The following DAGLB variants were observed in gnomAD, a reference collection of about 807,000 sequenced individuals.
DAGLB encodes diacylglycerol lipase beta.
DAGLB carries 66 observed loss-of-function variants against 72.1 expected under a neutral mutation model. That is an observed-to-expected ratio of 0.92 (90% CI 0.75 to 1.12). DAGLB has a LOEUF of 1.12. DAGLB is among the 50% of genes most tolerant of loss of function. DAGLB has a pLI of 0.00. For missense variants in DAGLB, 1,065 were observed against 884.9 expected (o/e 1.20, Z -2.58); for synonymous variants, 414 against 359.5 (o/e 1.15, Z -1.71).
intron 3 of DAGLB, among the ~76,000 whole-genome samples, chr7:6,435,762 A>T (rs1784635671): frequency 6.6e-6 from 1 of 152,176 alleles, no homozygotes. Context: ...CGCCGGATTG[A>T]GGAGCACACG....
intron 13 of DAGLB, 66 bp downstream of exon 13, chr7:6,412,745 C>G (rs1029138101): frequency 2.0e-6 from 3 of 1,532,558 alleles, no homozygotes; most frequent in African/African-American, 1.4e-5. Context: ...TTCCTCCCGG[C>G]TCTCCACAGG....
At chr7:6,412,241 T>TA (rs1395875458) in intron 13 of DAGLB, among the ~76,000 whole-genome samples, 2 of 152,150 alleles carry the variant, frequency 1.3e-5, no homozygotes, top group Non-Finnish European at 2.9e-5. Flanking sequence ...ACCACCATGT[T>TA]AAAAAACCCT....
rs140707721 is a variant in DAGLB, at chr7:6,409,896, C to T, written c.1960G>A (p.Asp654Asn). The change falls in exon 15 of 15, where the codon GAC (aspartate) becomes AAC (asparagine). Residue 654 changes from aspartate (D) to asparagine (N), a missense_variant. By Grantham distance (23) the Asp-to-Asn change is conservative. Transcript: ENST00000297056. The stretch of plus-strand genomic sequence containing the variant: ...GGACAGGAGACGCAGGCCGCTCTGT[C>T]GGAGACCACGCTGTCCAAGGCCCGC... The part of the protein sequence containing the change: ...LMRALDSVVS[D>N]RAACVSCPAQ... 2.5e-5 allele frequency: 41 copies of T among 1,613,990 alleles called. No individual in the cohort carries two copies. Among genetic ancestry groups the T allele is most frequent in the East Asian group, 2.2e-4 (10 of 44,884 alleles).
chr7:6,437,218 C>A (rs558899775), intron 2 of DAGLB, among the ~76,000 whole-genome samples: 6 of 150,824 alleles, frequency 4.0e-5, no homozygotes, highest in South Asian at 4.2e-4. Flanking sequence ...AGACAACAGG[C>A]ACAAAACAGA....
At chr7:6,422,108 C>A (rs115294117) in intron 8 of DAGLB, 2 of 440,448 alleles carry the variant, frequency 4.5e-6, no homozygotes, top group Non-Finnish European at 8.8e-6. Flanking sequence ...TGGCACAGAA[C>A]CTGTGCCAGG....
chr7:6,424,608 C>T, intron 8 of DAGLB, 144 bp downstream of exon 8: 2 of 740,452 alleles, frequency 2.7e-6, no homozygotes, highest in South Asian at 3.1e-5. Context: ...TATTTCCCAA[C>T]CCCAGGCTCA....
At chr7:6,414,223 G>T (rs1330398214) in intron 11 of DAGLB, among the ~76,000 whole-genome samples, 3 of 151,802 alleles carry the variant, frequency 2.0e-5, no homozygotes, top group Admixed American at 1.3e-4. Flanking sequence ...TGTTAGCCAG[G>T]ATGGTCTTGA....
intron 11 of DAGLB, among the ~76,000 whole-genome samples, chr7:6,415,547 T>C (rs1029451844): frequency 3.3e-5 from 5 of 150,530 alleles, no homozygotes; most frequent in Admixed American, 2.6e-4. Context: ...AAAAAAAATA[T>C]AAACTTTTCA....
chr7:6,424,431 G>C (rs1319798874), intron 8 of DAGLB, among the ~76,000 whole-genome samples: 3 of 152,124 alleles, frequency 2.0e-5, no homozygotes, highest in Non-Finnish European at 4.4e-5. Context: ...TTCCCCGGGA[G>C]GGCTCCCGGG....
At chr7:6,428,315 CAAAAAA>C (rs749361631) in intron 6 of DAGLB, among the ~76,000 whole-genome samples, 1 of 77,008 alleles carries the variant, frequency 1.3e-5, no homozygotes, top group Admixed American at 1.5e-4. Flanking sequence ...GACTCTGTCT[CAAAAAA>C]AAAAAAAAAA....
At chr7:6,440,243 G>C (rs111428987) in intron 2 of DAGLB, among the ~76,000 whole-genome samples, 12,015 of 151,698 alleles carry the variant, frequency 0.079, 1,101 homozygotes, top group East Asian at 0.5. Context: ...AATTAGCCAG[G>C]TGTGGTGGTG....
Position 6,417,138 on chromosome 7 carries a change from G to C in DAGLB, c.1219-217C>G. ...GTGCCAGGTGTGGTGGCGCACGCTT[G>C]TAATCCCAGCACTTAGGGAGGCCAA... On this transcript the variant is annotated intron_variant, in intron 9 of 14. Transcript: ENST00000297056. 5.5e-6 allele frequency: 3 copies of C among 546,076 alleles called. No homozygotes were observed. The South Asian group carries it at 6.1e-5, about 11-fold the overall frequency. 33.8% of individuals were successfully genotyped at this position (546,076 alleles called of 1,614,324 possible).
At chr7:6,438,136 A>G (rs1017351645) in intron 2 of DAGLB, among the ~76,000 whole-genome samples, 1 of 148,750 alleles carries the variant, frequency 6.7e-6, no homozygotes. Context: ...TTTCACTCAT[A>G]GGTGGGAACT....
rs79625809 is a variant in DAGLB, at chr7:6,411,650, G to A, written c.1569+1161C>T. Among the ~76,000 whole-genome samples, 57 of 152,212 alleles carry A rather than the reference G, an allele frequency of 3.7e-4. No individual in the cohort carries two copies. The East Asian group carries it at 0.01, about 28-fold the overall frequency. On this transcript the variant is annotated intron_variant, in intron 13 of 14. Coordinates refer to ENST00000297056, the MANE Select transcript of DAGLB (RefSeq NM_139179.4). ...AAGAAAAAACTGGGGGAGGTAATTG[G>A]TAAGGAGAAAAATTTAAATTGCGTT...
chr7:6,412,235 CCAT>C (rs768572741), intron 13 of DAGLB, among the ~76,000 whole-genome samples: 6 of 152,104 alleles, frequency 3.9e-5, no homozygotes, highest in Non-Finnish European at 8.8e-5. Flanking sequence ...ATTTCTACCA[CCAT>C]GTTAAAAAAC....
Position 6,432,853 on chromosome 7 carries a change from G to T in DAGLB, c.785C>A (p.Ala262Asp). Residue 262 changes from alanine (A) to aspartate (D), a missense_variant, in exon 5 of 15, where the codon GCC becomes GAC. Ala to Asp is a moderately radical substitution (Grantham distance 126). Coordinates refer to ENST00000297056, the MANE Select transcript of DAGLB (RefSeq NM_139179.4). ...CAGGCTCACCTGGGAGCTCCCTGGG[G>T]CATGGCAGACCACCTGGGCAGGCTC... is the stretch of plus-strand genomic sequence containing the variant. ...NQEPAQVVCH[A>D]PGSSQEADLD... The T allele has an allele frequency of 1.9e-6, 3 of 1,613,764 alleles. No homozygotes were observed. Among genetic ancestry groups the T allele is most frequent in the Non-Finnish European group, 2.5e-6 (3 of 1,179,986 alleles).
At position 6,412,968 on chromosome 7, in the gene DAGLB, G is replaced by A; in HGVS notation, c.1494C>T (p.Pro498=). Reference sequence around the variant, plus strand: ...GGCACAGCACCAGGTGGGCTTACCTGGGAATCACATCCTTCCCCAGGACGA... The same window carrying A: ...GGCACAGCACCAGGTGGGCTTACCTAGGAATCACATCCTTCCCCAGGACGA... ...VSLVLGKDVI[P]RLSVTNLEDL... Residue 498 remains proline (P), a splice_region_variant and synonymous_variant, in exon 12 of 15, where the codon CCC becomes CCT. Transcript: ENST00000297056. 3.7e-6 allele frequency: 6 copies of A among 1,613,904 alleles called. No homozygotes were observed. The highest frequency in any genetic ancestry group is 5.1e-6 in the Non-Finnish European group (6 of 1,179,894).
chr7:6,410,108 A>G (rs1562476047), intron 14 of DAGLB, 22 bp downstream of exon 14: 4 of 1,577,588 alleles, frequency 2.5e-6, no homozygotes, highest in South Asian at 2.4e-5. Context: ...CCTGCCCACC[A>G]CACCCACCAC....
At chr7:6,442,805 C>T (rs528515509) in intron 2 of DAGLB, among the ~76,000 whole-genome samples, 1 of 152,216 alleles carries the variant, frequency 6.6e-6, no homozygotes, top group East Asian at 1.9e-4. Context: ...GTAATACCAG[C>T]ACTTTGGGAG....
Sources: allele counts gnomAD v4.1 joint callset (sites outside exome capture counted in the v4.1 genomes callset), GRCh38; gene constraint gnomAD v4.1.1; transcripts MANE v1.5; gene names NCBI Gene and HGNC (gene_info 2026-07-23, HGNC 2026-07-21).